NUP98: variants seen among roughly 807,000 people sequenced by gnomAD.
NUP98 encodes the protein nucleoporin 98 and 96 precursor, also known as nuclear pore complex protein Nup98-Nup96.
Under a neutral mutation model 191.9 loss-of-function variants are expected in NUP98, and 26 were observed. That is an observed-to-expected ratio of 0.14 (90% CI 0.10 to 0.19). NUP98 has a LOEUF of 0.19. Ranked by LOEUF, NUP98 falls within the 10% of genes least tolerant of loss-of-function variation. NUP98 has a pLI of 1.00. For synonymous variants in NUP98, 808 were observed against 778.4 expected (o/e 1.04, Z -0.63); for missense variants, 1,941 against 2,178.8 (o/e 0.89, Z 2.17).
chr11:3,795,342 A>T (rs998706035), intron 1 of NUP98, among the ~76,000 whole-genome samples: 1 of 152,166 alleles, frequency 6.6e-6, no homozygotes, highest in Non-Finnish European at 1.5e-5. Flanking sequence ...GCTACTTGGG[A>T]GGCTGAGGTG....
In NUP98 at chr11:3,695,520, G is replaced by A; in HGVS notation, c.4096C>T (p.His1366Tyr). ...ELLTMQLVDW[H>Y]QLQADSFIQD... Reference sequence around the variant, plus strand: ...ATGAAGGAGTCTGCTTGGAGCTGATGCCAGTCCACCAACTGCATGGTGAGC... The same window carrying A: ...ATGAAGGAGTCTGCTTGGAGCTGATACCAGTCCACCAACTGCATGGTGAGC... Residue 1366 changes from histidine (H) to tyrosine (Y), a missense_variant, in exon 26 of 33, where the codon CAT (histidine) becomes TAT (tyrosine). By Grantham distance (83) the His-to-Tyr change is moderately conservative (BLOSUM62 2). Transcript: ENST00000324932. 6.8e-6 allele frequency: 11 copies of A among 1,611,480 alleles called. No individual in the cohort carries two copies. The highest frequency in any genetic ancestry group is 9.3e-6 in the Non-Finnish European group (11 of 1,178,818).
chr11:3,728,933 T>C (rs545413691), intron 14 of NUP98, among the ~76,000 whole-genome samples: 73 of 152,204 alleles, frequency 4.8e-4, no homozygotes, highest in Non-Finnish European at 4.9e-4. Context: ...TGTGACAAAG[T>C]CAAGGAAGAT....
At chr11:3,727,592 G>A (rs772725658) in intron 14 of NUP98, among the ~76,000 whole-genome samples, 1 of 152,102 alleles carries the variant, frequency 6.6e-6, no homozygotes, top group Non-Finnish European at 1.5e-5. Context: ...AGGTGGCATG[G>A]TGGGTTTCGC....
chr11:3,781,968 G>GA, intron 2 of NUP98, 74 bp downstream of exon 2: 1 of 952,058 alleles, frequency 1.1e-6, no homozygotes, highest in Non-Finnish European at 1.6e-6. Flanking sequence ...CCCACCTAAA[G>GA]CTTATCAGAG....
intron 19 of NUP98, among the ~76,000 whole-genome samples, chr11:3,713,219 T>C (rs1020990448): frequency 6.6e-6 from 1 of 152,208 alleles, no homozygotes; most frequent in African/African-American, 2.4e-5. Flanking sequence ...ACCTGCCTGA[T>C]GAATTACTGA....
Position 3,743,483 on chromosome 11 carries a change from G to T in NUP98, c.1408+1026C>A, listed in dbSNP as rs1165702203. 2.8e-5 allele frequency among the ~76,000 whole-genome samples: 4 copies of T among 141,222 alleles called. No individual in the cohort carries two copies. In the East Asian group the frequency reaches 9.1e-4, roughly 32 times the overall value. 92.6% of individuals were successfully genotyped at this position (141,222 alleles called of 152,430 possible). A position where few individuals can be genotyped will look rare whatever the true frequency, so the allele number is the denominator to read the frequency against. On this transcript the variant is annotated intron_variant, in intron 12 of 32. Coordinates refer to ENST00000324932, the MANE Select transcript of NUP98 (RefSeq NM_016320.5). ...AACATGGTGAAACCCCGTCTCTACT[G>T]AAAATACAAAAAAATTAGCTGGGCA...
At chr11:3,731,345 A>G (rs1321484758) in intron 14 of NUP98, 46 bp downstream of exon 14, 4 of 1,200,172 alleles carry the variant, frequency 3.3e-6, no homozygotes, top group South Asian at 1.9e-5. Context: ...TATTTAGTTT[A>G]TATCAGTATT....
intron 24 of NUP98, among the ~76,000 whole-genome samples, chr11:3,699,576 T>C (rs1033517125): frequency 6.6e-6 from 1 of 152,244 alleles, no homozygotes; most frequent in Non-Finnish European, 1.5e-5. Context: ...TCTGTGGTAC[T>C]TACATAACAA....
intron 1 of NUP98, among the ~76,000 whole-genome samples, chr11:3,784,733 GCAAA>G (rs1464689014): frequency 2.7e-5 from 4 of 149,842 alleles, no homozygotes; most frequent in East Asian, 4.1e-4. Context: ...CAGCAAGCAA[GCAAA>G]CAAACAAAAA....
At position 3,725,099 on chromosome 11, in the gene NUP98, G is replaced by A. The variant is rs756493103; in HGVS notation, c.1847+4C>T. On this transcript the variant is annotated splice_donor_region_variant and intron_variant, in intron 15 of 32. Coordinates refer to ENST00000324932, the MANE Select transcript of NUP98 (RefSeq NM_016320.5). Reference sequence around the variant, plus strand: ...AGAAGAACTCAAAACAGAATTCAGTGTACCTCTCTCCATTTTCTGGATATT... The same window carrying A: ...AGAAGAACTCAAAACAGAATTCAGTATACCTCTCTCCATTTTCTGGATATT... The A allele has an allele frequency of 7.7e-7, 1 of 1,297,310 alleles. No individual in the cohort carries two copies. The highest frequency in any genetic ancestry group is 1.1e-6 in the Non-Finnish European group (1 of 893,936). The allele number at this position is 1,297,310 out of a possible 1,614,324, so 80.4% of individuals were successfully genotyped here.
chr11:3,703,225 T>C (rs1317212119), intron 22 of NUP98, among the ~76,000 whole-genome samples: 1 of 151,656 alleles, frequency 6.6e-6, no homozygotes, highest in East Asian at 1.9e-4. Flanking sequence ...ACTTTTTTTT[T>C]TTTTTTTTGG....
At chr11:3,738,157 A>C (rs2080145989) in intron 12 of NUP98, among the ~76,000 whole-genome samples, 1 of 151,852 alleles carries the variant, frequency 6.6e-6, no homozygotes, top group East Asian at 1.9e-4. Flanking sequence ...CATGAGCATG[A>C]TTTTATATCT....
chr11:3,767,504 G>A (rs757441933), intron 8 of NUP98, among the ~76,000 whole-genome samples: 1 of 151,108 alleles, frequency 6.6e-6, no homozygotes, highest in African/African-American at 2.4e-5. Flanking sequence ...GCTAAGTTTT[G>A]TATTTTTAGC....
intron 1 of NUP98, among the ~76,000 whole-genome samples, chr11:3,790,163 G>C (rs753263893): frequency 1.3e-5 from 2 of 152,182 alleles, no homozygotes; most frequent in Non-Finnish European, 2.9e-5. Context: ...GATGTGAAGT[G>C]ATGAGTGACT....
At chr11:3,749,773 A>T (rs1014733797) in intron 11 of NUP98, among the ~76,000 whole-genome samples, 1 of 152,204 alleles carries the variant, frequency 6.6e-6, no homozygotes, top group African/African-American at 2.4e-5. Flanking sequence ...CTTTGCCAGT[A>T]ATCAGTGAGG....
intron 20 of NUP98, among the ~76,000 whole-genome samples, chr11:3,708,754 G>A (rs2078940527): frequency 6.6e-6 from 1 of 150,446 alleles, no homozygotes; most frequent in African/African-American, 2.4e-5. Flanking sequence ...TGGCTCAGAA[G>A]TAACTGAGGA....
chr11:3,712,266 A>C, intron 20 of NUP98: 1 of 1,155,994 alleles, frequency 8.7e-7, no homozygotes, highest in Non-Finnish European at 1.1e-6. Context: ...AGCAAATCTT[A>C]AGTTAATCAC....
At chr11:3,681,576 G>A (rs928900122) in intron 30 of NUP98, among the ~76,000 whole-genome samples, 29 of 152,078 alleles carry the variant, frequency 1.9e-4, no homozygotes, top group African/African-American at 7.0e-4. Flanking sequence ...GGCTGACTAG[G>A]TGCATCATCA....
intron 13 of NUP98, among the ~76,000 whole-genome samples, chr11:3,732,682 T>C (rs994071314): frequency 6.6e-6 from 1 of 152,212 alleles, no homozygotes; most frequent in African/African-American, 2.4e-5. Flanking sequence ...GACACACAAC[T>C]AAATTTCAGG....
Sources: gnomAD v4.1 joint callset for allele counts (sites outside exome capture counted in the v4.1 genomes callset) on GRCh38, gnomAD v4.1.1 for gene constraint, MANE v1.5 for transcripts, NCBI Gene and HGNC (gene_info 2026-07-23, HGNC 2026-07-21) for gene names.